Variants in HAO1 observed in about 807,000 individuals in gnomAD.
The protein encoded by HAO1 is 2-Hydroxyacid oxidase 1.
A neutral mutation model predicts 39.7 loss-of-function variants in HAO1; 34 were observed. That is an observed-to-expected ratio of 0.86 (90% CI 0.65 to 1.14). The LOEUF (loss-of-function observed/expected upper bound fraction) is 1.14. HAO1 is among the 50% of genes most tolerant of loss of function. The probability of loss-of-function intolerance (pLI) is 0.00; values close to 1 mark genes in which losing one functional copy is unlikely to be tolerated. For missense variants in HAO1, 479 were observed against 464.5 expected (o/e 1.03, Z -0.29); for synonymous variants, 172 against 173.2 (o/e 0.99, Z 0.05).
intron 5 of HAO1, among the ~76,000 whole-genome samples, chr20:7,891,181 C>T (rs1214370230): frequency 6.6e-6 from 1 of 152,242 alleles, no homozygotes; most frequent in East Asian, 1.9e-4. Flanking sequence ...AGAAATGTTC[C>T]CTGATCACTG....
At chr20:7,901,566 A>T (rs964465967) in intron 4 of HAO1, among the ~76,000 whole-genome samples, 1 of 152,196 alleles carries the variant, frequency 6.6e-6, no homozygotes, top group East Asian at 1.9e-4. Flanking sequence ...ATCACTGCTC[A>T]TTGACAGTGC....
intron 4 of HAO1, among the ~76,000 whole-genome samples, chr20:7,899,535 C>T (rs764048111): frequency 2.1e-4 from 32 of 152,060 alleles, no homozygotes; most frequent in Non-Finnish European, 4.3e-4. Context: ...AAGTAACAGT[C>T]TGTTATCTGC....
At chr20:7,910,813 A>T (rs2050275934) in intron 3 of HAO1, among the ~76,000 whole-genome samples, 1 of 152,146 alleles carries the variant, frequency 6.6e-6, no homozygotes, top group Non-Finnish European at 1.5e-5. Context: ...TGATTTCTTA[A>T]CCAAAAATTT....
At chr20:7,924,029 C>T (rs2050347330) in intron 2 of HAO1, among the ~76,000 whole-genome samples, 1 of 152,138 alleles carries the variant, frequency 6.6e-6, no homozygotes, top group African/African-American at 2.4e-5. Flanking sequence ...TGCCTTTCTT[C>T]TAGCCTGGCA....
chr20:7,887,713 T>C (rs557289570), intron 5 of HAO1, among the ~76,000 whole-genome samples: 1 of 152,252 alleles, frequency 6.6e-6, no homozygotes, highest in Non-Finnish European at 1.5e-5. Context: ...TCAATACACA[T>C]TTTCAAAGTC....
intron 5 of HAO1, among the ~76,000 whole-genome samples, chr20:7,892,449 G>A (rs756854430): frequency 2.6e-5 from 4 of 152,098 alleles, no homozygotes; most frequent in Admixed American, 2.0e-4. Flanking sequence ...AAAACTCAAC[G>A]CAATATGCAC....
intron 4 of HAO1, among the ~76,000 whole-genome samples, chr20:7,904,434 C>G (rs568054930): frequency 6.6e-6 from 1 of 152,362 alleles, no homozygotes; most frequent in Admixed American, 6.5e-5. Flanking sequence ...TCTAAATTCT[C>G]TAAATGGCTT....
At chr20:7,920,882 A>T (rs2423331) in intron 2 of HAO1, among the ~76,000 whole-genome samples, 31,610 of 152,060 alleles carry the variant, frequency 0.21, 3,954 homozygotes, top group East Asian at 0.51. Flanking sequence ...TCCTCTCAAT[A>T]AATATCCAGA....
intron 4 of HAO1, among the ~76,000 whole-genome samples, chr20:7,899,475 A>C (rs1352123086): frequency 1.3e-5 from 2 of 152,178 alleles, no homozygotes; most frequent in Non-Finnish European, 2.9e-5. Flanking sequence ...GTTTTATCCT[A>C]GTCAAGATTA....
intron 2 of HAO1, among the ~76,000 whole-genome samples, chr20:7,921,794 G>C (rs1341069371): frequency 6.6e-6 from 1 of 152,066 alleles, no homozygotes; most frequent in African/African-American, 2.4e-5. Context: ...ACAAAATAAT[G>C]TCCTTTGCAC....
chr20:7,937,210 C>T (rs1479794552), intron 1 of HAO1, among the ~76,000 whole-genome samples: 3 of 152,074 alleles, frequency 2.0e-5, no homozygotes, highest in Admixed American at 6.6e-5. Flanking sequence ...AAAGTAGCTG[C>T]CCTGTTGAAG....
chr20:7,932,594 T>C (rs1258110468), intron 2 of HAO1, among the ~76,000 whole-genome samples: 1 of 152,190 alleles, frequency 6.6e-6, no homozygotes, highest in Non-Finnish European at 1.5e-5. Context: ...CTAAATGTAT[T>C]TTAGGACCTG....
Position 7,914,488 on chromosome 20 carries a change from T to G in HAO1, c.290-69A>C, listed in dbSNP as rs527927507. The G allele has an allele frequency of 9.6e-4, 1,483 of 1,548,510 alleles. 6 individuals carry two copies. Among genetic ancestry groups the G allele is most frequent in the South Asian group, 3.3e-3 (278 of 84,304 alleles). On this transcript the variant is annotated intron_variant, in intron 2 of 7. Transcript: ENST00000378789. The stretch of plus-strand genomic sequence containing the variant: ...ACCCTCCCAAACCTTTGAATTGTAG[T>G]TGGATGAGTAAAGACATCTAGAAGG...
intron 2 of HAO1, among the ~76,000 whole-genome samples, chr20:7,932,971 T>G (rs113012558): frequency 0.013 from 1,989 of 152,288 alleles, 37 homozygotes; most frequent in African/African-American, 0.043. Context: ...CTGTTTGAAA[T>G]GCACATTTTC....
At chr20:7,907,491 C>T (rs1032557271) in intron 3 of HAO1, among the ~76,000 whole-genome samples, 1 of 152,174 alleles carries the variant, frequency 6.6e-6, no homozygotes, top group African/African-American at 2.4e-5. Context: ...AATGCCTTCC[C>T]TCCTTTGCCT....
At chr20:7,933,392 G>C (rs1473098434) in intron 2 of HAO1, among the ~76,000 whole-genome samples, 1 of 152,056 alleles carries the variant, frequency 6.6e-6, no homozygotes, top group African/African-American at 2.4e-5. Context: ...GCCTGAAAGG[G>C]CCTTTATTAT....
intron 2 of HAO1, among the ~76,000 whole-genome samples, chr20:7,932,915 A>C (rs1294911694): frequency 6.6e-6 from 1 of 152,204 alleles, no homozygotes; most frequent in Admixed American, 6.5e-5. Context: ...ATACAGTGCC[A>C]GATTATTTTC....
intron 5 of HAO1, among the ~76,000 whole-genome samples, chr20:7,886,892 A>G (rs1053555123): frequency 1.3e-5 from 2 of 152,170 alleles, no homozygotes; most frequent in Admixed American, 6.5e-5. Flanking sequence ...GTCATTTGCC[A>G]TGAGAAGACC....
At chr20:7,897,503 A>G (rs1251711396) in intron 4 of HAO1, among the ~76,000 whole-genome samples, 1 of 152,018 alleles carries the variant, frequency 6.6e-6, no homozygotes, top group Non-Finnish European at 1.5e-5. Flanking sequence ...CCTTTGGGAA[A>G]TGTTATTGAC....
Sources: allele counts gnomAD v4.1 joint callset (sites outside exome capture counted in the v4.1 genomes callset), GRCh38; gene constraint gnomAD v4.1.1; transcripts MANE v1.5; gene names NCBI Gene and HGNC (gene_info 2026-07-23, HGNC 2026-07-21).